Variants in SLFN14 observed in about 807,000 individuals in gnomAD.
SLFN14 encodes the protein schlafen family member 14.
In SLFN14, 47 loss-of-function variants were observed where a neutral mutation model predicts 58.6. The observed-to-expected ratio is 0.80, with a 90% CI of 0.64 to 1.02. The LOEUF (loss-of-function observed/expected upper bound fraction) is 1.02, where lower values mean the gene tolerates loss of function less well. Among genes scored for constraint, SLFN14 ranks in the 50% least tolerant of loss-of-function variants. The pLI, the probability that SLFN14 is intolerant of heterozygous loss-of-function variation, is 0.00. For missense variants in SLFN14, 967 were observed against 1,078.4 expected (o/e 0.90, Z 1.45); for synonymous variants, 390 against 387.3 (o/e 1.01, Z -0.08).
At chr17:35,555,559 A>C (rs77426724) in intron 3 of SLFN14, among the ~76,000 whole-genome samples, 2,927 of 152,094 alleles carry the variant, frequency 0.019, 93 homozygotes, top group African/African-American at 0.066. Context: ...CTCAAAAAAA[A>C]AAAAAAATGT....
Position 35,557,725 on chromosome 17 carries a change from C to G in SLFN14, c.338G>C (p.Ser113Thr). ...TAGTGGAAGGCTGAAAACATCTGGG[C>G]TCCATGACTTCACAAAAATCAGGAG... ...HNLLIFVKSW[S>T]PDVFSLPLRI... The change falls in exon 3 of 6, where the codon AGC becomes ACC. Residue 113 changes from serine to threonine, a missense_variant. Physicochemically the swap from Ser to Thr is moderately conservative, Grantham distance 58. Transcript: ENST00000674182. 6.4e-7 allele frequency: 1 copy of G among 1,551,668 alleles called. No individual in the cohort carries two copies. Among genetic ancestry groups the G allele is most frequent in the Non-Finnish European group, 8.7e-7 (1 of 1,146,968 alleles).
At chr17:35,549,485 T>A (rs2072564879) in intron 5 of SLFN14, among the ~76,000 whole-genome samples, 1 of 152,248 alleles carries the variant, frequency 6.6e-6, no homozygotes, top group Admixed American at 6.5e-5. Context: ...TCGATGCATA[T>A]CATAATTTTT....
intron 4 of SLFN14, among the ~76,000 whole-genome samples, chr17:35,553,872 C>T (rs554807257): frequency 1.3e-5 from 2 of 152,294 alleles, no homozygotes; most frequent in African/African-American, 4.8e-5. Flanking sequence ...CTCCTGACCT[C>T]AGTTGAGGTC....
At chr17:35,554,154 C>A (rs1170475875) in intron 4 of SLFN14, among the ~76,000 whole-genome samples, 1 of 151,696 alleles carries the variant, frequency 6.6e-6, no homozygotes, top group East Asian at 1.9e-4. Flanking sequence ...AAGCTAGGGG[C>A]AGTTTTTTGA....
At position 35,544,641 on chromosome 17, in the gene SLFN14, G is replaced by A. The variant is rs1424655374; in HGVS notation, c.*3598C>T. 6.6e-6 allele frequency among the ~76,000 whole-genome samples: 1 copy of A among 150,754 alleles called. No homozygotes were observed. The highest frequency in any genetic ancestry group is 2.4e-5 in the African/African-American group (1 of 40,828). ...CCTCCCAGGTTCAAGCAATTCTCCT[G>A]CCTCAGCCTCCCAAGTAGCTGGGAT... On this transcript the variant is annotated 3_prime_UTR_variant, in exon 6 of 6. Coordinates refer to ENST00000674182, the MANE Select transcript of SLFN14 (RefSeq NM_001129820.2).
At position 35,557,705 on chromosome 17, in the gene SLFN14, G is replaced by A. The variant is rs953991541; in HGVS notation, c.358C>T (p.Pro120Ser). The A allele has an allele frequency of 1.2e-5, 19 of 1,551,706 alleles. No individual in the cohort carries two copies. Among genetic ancestry groups the A allele is most frequent in the East Asian group, 7.3e-5 (3 of 40,920 alleles). The change falls in exon 3 of 6, where the codon CCA becomes TCA. Residue 120 changes from proline (P) to serine (S), a missense_variant. Transcript: ENST00000674182. ...KSWSPDVFSL[P>S]LRICSLRSNL... ...GAGCGCAAGCTGCAAATCCTTAGTG[G>A]AAGGCTGAAAACATCTGGGCTCCAT...
At chr17:35,551,077 C>T (rs529774925) in intron 5 of SLFN14, among the ~76,000 whole-genome samples, 1 of 152,182 alleles carries the variant, frequency 6.6e-6, no homozygotes, top group Non-Finnish European at 1.5e-5. Flanking sequence ...GTAAGTTATG[C>T]ACATGTGGGT....
intron 5 of SLFN14, among the ~76,000 whole-genome samples, chr17:35,549,700 C>T (rs915949315): frequency 5.3e-5 from 8 of 152,204 alleles, no homozygotes; most frequent in East Asian, 1.9e-4. Context: ...TTTTTCTGAA[C>T]GAATTTGGTT....
In SLFN14 at chr17:35,548,415, C is replaced by T. The variant is rs1413187509; in HGVS notation, c.2563G>A (p.Val855Ile). 1 of 1,551,614 alleles carries T rather than the reference C, an allele frequency of 6.4e-7. No individual in the cohort carries two copies. Among genetic ancestry groups the T allele is most frequent in the Non-Finnish European group, 8.7e-7 (1 of 1,147,006 alleles). ...TCTAAAACAATGTGACTTCCCCAAACACCGGTGGCCGGGCTAAACACAACC... is the reference window on the plus strand; with the variant it reads ...TCTAAAACAATGTGACTTCCCCAAATACCGGTGGCCGGGCTAAACACAACC... ...SEVVFSPATG[V>I]WGSHIVLDSI... Residue 855 changes from valine (V) to isoleucine (I), a missense_variant, in exon 6 of 6, where the codon GTT (valine) becomes ATT (isoleucine). Transcript: ENST00000674182.
At chr17:35,551,905 T>C (rs2072592121) in intron 5 of SLFN14, among the ~76,000 whole-genome samples, 1 of 152,176 alleles carries the variant, frequency 6.6e-6, no homozygotes, top group African/African-American at 2.4e-5. Context: ...CTCCCCTTCT[T>C]AGGACCTCTA....
In SLFN14 at chr17:35,548,306, T is replaced by G; in HGVS notation, c.2672A>C (p.Lys891Thr). The change falls in exon 6 of 6, where the codon AAG becomes ACG. Residue 891 changes from lysine to threonine, a missense_variant. Transcript: ENST00000674182. ...PECDQSEEFH[K>T]LCFASRAIKH... ...AATGGCTCTTGAAGCAAAGCAGAGC[T>G]TATGAAATTCCTCTGACTGGTCACA... 6.4e-7 allele frequency: 1 copy of G among 1,551,732 alleles called. No homozygotes were observed. Among genetic ancestry groups the G allele is most frequent in the East Asian group, 2.4e-5 (1 of 40,928 alleles).
chr17:35,557,953 A>T lies in SLFN14; in HGVS notation c.110T>A (p.Leu37Ter), dbSNP rs2142212855. ...ENRKKMTNSC[L>*]KRSENSRIIR... ...AATTCTAGAATTCTCAGATCTTTTC[A>T]AACAGCTGTTGGTCATCTTCTTCCT... The change falls in exon 3 of 6, where the codon TTG (leucine) becomes TAG (stop). Residue 37 changes from leucine (L) to a stop codon, truncating the protein, a stop_gained. Transcript: ENST00000674182. LOFTEE classifies it high-confidence loss of function. The T allele has an allele frequency of 6.4e-7, 1 of 1,551,670 alleles. No individual in the cohort carries two copies. Among genetic ancestry groups the T allele is most frequent in the East Asian group, 2.4e-5 (1 of 40,922 alleles).
chr17:35,553,812 T>A (rs561841930), intron 4 of SLFN14, among the ~76,000 whole-genome samples: 51 of 152,264 alleles, frequency 3.3e-4, no homozygotes, highest in African/African-American at 9.6e-4. Flanking sequence ...CTAATTTTTG[T>A]ATTTTTAGTA....
chr17:35,548,460 CAATT>C lies in SLFN14; in HGVS notation c.2514_2517del (p.Ile839ArgfsTer23), dbSNP rs1387211429. The C allele has an allele frequency of 6.4e-6, 10 of 1,551,616 alleles. No individual in the cohort carries two copies. Among genetic ancestry groups the C allele is most frequent in the Non-Finnish European group, 7.0e-6 (8 of 1,147,010 alleles). On this transcript the variant is annotated frameshift_variant, in exon 6 of 6. Coordinates refer to ENST00000674182, the MANE Select transcript of SLFN14 (RefSeq NM_001129820.2). LOFTEE classifies it high-confidence loss of function. ...ACAACCTCTGATGGTCTGTGGGTCT[CAATT>C]AATTCCATTGCTTTGAGTAGTGCAA...
chr17:35,559,975 C>A (rs547389910), intron 1 of SLFN14, among the ~76,000 whole-genome samples, 170 bp from the exon 2 acceptor site: 8 of 152,338 alleles, frequency 5.3e-5, no homozygotes, highest in Non-Finnish European at 7.3e-5. Flanking sequence ...ATCCTCCAGT[C>A]CAACAATCTA....
Position 35,557,593 on chromosome 17 carries a change from GCTCTAAAC to G in SLFN14, c.462_469del (p.Phe155ProfsTer18). 6.4e-7 allele frequency: 1 copy of G among 1,551,592 alleles called. No homozygotes were observed. Among genetic ancestry groups the G allele is most frequent in the South Asian group, 1.2e-5 (1 of 84,060 alleles). On this transcript the variant is annotated frameshift_variant, in exon 3 of 6. Coordinates refer to ENST00000674182, the MANE Select transcript of SLFN14 (RefSeq NM_001129820.2). LOFTEE classifies it high-confidence loss of function. ...CTTCACCCTTGGTCTTCCTCTTTGG[GCTCTAAAC>G]CCCTTCTCTCTGAGAAGCTCCAGGG...
intron 5 of SLFN14, among the ~76,000 whole-genome samples, chr17:35,550,610 T>C (rs1385721359): frequency 6.6e-6 from 1 of 152,190 alleles, no homozygotes; most frequent in Non-Finnish European, 1.5e-5. Context: ...AATACTCACA[T>C]TGTTTTTTTT....
chr17:35,547,047 A>G lies in SLFN14; in HGVS notation c.*1192T>C, dbSNP rs2072539795. Among the ~76,000 whole-genome samples, 1 of 152,210 alleles carries G rather than the reference A, an allele frequency of 6.6e-6. No homozygotes were observed. Among genetic ancestry groups the G allele is most frequent in the South Asian group, 2.1e-4 (1 of 4,836 alleles). On this transcript the variant is annotated 3_prime_UTR_variant, in exon 6 of 6. Transcript: ENST00000674182. ...CCAGGCCAGCGGCAGAGTATAAGGC[A>G]TTTCTAGCCTACATGAATGTATTCA...
chr17:35,557,626 G>A lies in SLFN14; in HGVS notation c.437C>T (p.Ala146Val), dbSNP rs1220349171. ...CCCCTTCTCTCTGAGAAGCTCCAGG[G>A]CACTGCTAGCACTCAAGTTGATAGC... ...TSAINLSASS[A>V]LELLREKGFR... The change falls in exon 3 of 6, where the codon GCC (alanine) becomes GTC (valine). Residue 146 changes from alanine to valine, a missense_variant. By Grantham distance (64) the Ala-to-Val change is moderately conservative (BLOSUM62 0). Coordinates refer to ENST00000674182, the MANE Select transcript of SLFN14 (RefSeq NM_001129820.2). 6.4e-7 allele frequency: 1 copy of A among 1,551,652 alleles called. No individual in the cohort carries two copies. The highest frequency in any genetic ancestry group is 8.7e-7 in the Non-Finnish European group (1 of 1,146,988).
Sources: allele counts gnomAD v4.1 joint callset (sites outside exome capture counted in the v4.1 genomes callset), GRCh38; gene constraint gnomAD v4.1.1; transcripts MANE v1.5; gene names NCBI Gene and HGNC (gene_info 2026-07-23, HGNC 2026-07-21).